The following AKAP10 variants were observed in gnomAD, a reference collection of about 807,000 sequenced individuals.
AKAP10 encodes A-kinase anchoring protein 10.
In AKAP10, 24 loss-of-function variants were observed where a neutral mutation model predicts 80.8. The ratio of observed to expected loss-of-function variants is 0.30; its 90% CI spans 0.22 to 0.42. AKAP10 has a LOEUF of 0.42. Among genes scored for constraint, AKAP10 ranks in the 10% least tolerant of loss-of-function variants. The pLI is 1.00. For missense variants in AKAP10, 661 were observed against 794.9 expected (o/e 0.83, Z 2.03); for synonymous variants, 291 against 277.7 (o/e 1.05, Z -0.48).
intron 5 of AKAP10, among the ~76,000 whole-genome samples, chr17:19,946,239 ATATAT>A (rs2043114900): frequency 3.9e-4 from 3 of 7,744 alleles, no homozygotes; most frequent in African/African-American, 1.2e-3. Context: ...TATATATATT[ATATAT>A]ATATATATAT....
chr17:19,970,438 T>C (rs1216144469), intron 1 of AKAP10, among the ~76,000 whole-genome samples: 3 of 152,244 alleles, frequency 2.0e-5, no homozygotes, highest in Non-Finnish European at 4.4e-5. Flanking sequence ...CTTTATTTCC[T>C]TCTGTCCCCC....
chr17:19,943,126 C>T (rs746513626), intron 5 of AKAP10, among the ~76,000 whole-genome samples: 6 of 152,094 alleles, frequency 3.9e-5, no homozygotes, highest in Admixed American at 1.3e-4. Context: ...TGGCCTGAAA[C>T]GATCCTCCTG....
At chr17:19,968,826 G>A (rs1207213604) in intron 1 of AKAP10, among the ~76,000 whole-genome samples, 1 of 152,052 alleles carries the variant, frequency 6.6e-6, no homozygotes, top group Non-Finnish European at 1.5e-5. Flanking sequence ...TACCTTAGAG[G>A]ATTATTGATG....
At position 19,933,181 on chromosome 17, in the gene AKAP10, G is replaced by A. The variant is rs370072760; in HGVS notation, c.1468-1203C>T. Among the ~76,000 whole-genome samples the A allele has an allele frequency of 2.7e-3, 410 of 152,168 alleles. 1 individual carries two copies. Among genetic ancestry groups the A allele is most frequent in the African/African-American group, 8.7e-3 (360 of 41,528 alleles). ...TTACAGGTGTCCGCCACCACACCCAGTTAATTTTTGTATTTTTAGTAGAGA... is the reference window on the plus strand; with the variant it reads ...TTACAGGTGTCCGCCACCACACCCAATTAATTTTTGTATTTTTAGTAGAGA... On this transcript the variant is annotated intron_variant, in intron 9 of 14. Transcript: ENST00000225737.
At position 19,977,572 on chromosome 17, in the gene AKAP10, G is replaced by T; in HGVS notation, c.88+20C>A. Reference sequence around the variant, plus strand: ...CCCCTGAGGCCCGGCCTGACTCCCCGCCGGCGCCCCCTCAGCTACCTTTCC... The same window carrying T: ...CCCCTGAGGCCCGGCCTGACTCCCCTCCGGCGCCCCCTCAGCTACCTTTCC... On this transcript the variant is annotated intron_variant, in intron 1 of 14. Transcript: ENST00000225737. 1 of 1,232,800 alleles carries T rather than the reference G, an allele frequency of 8.1e-7. No homozygotes were observed. 76.4% of individuals were successfully genotyped at this position (1,232,800 alleles called of 1,614,324 possible). A position where few individuals can be genotyped will look rare whatever the true frequency, so the allele number is the denominator to read the frequency against.
chr17:19,940,038 C>A (rs746042276), intron 7 of AKAP10, among the ~76,000 whole-genome samples, 189 bp from the exon 8 acceptor site: 2 of 151,800 alleles, frequency 1.3e-5, no homozygotes, highest in Non-Finnish European at 2.9e-5. Flanking sequence ...TTCTTTTAGA[C>A]GAAAAAAAAG....
At chr17:19,925,342 T>C (rs1163336919) in intron 10 of AKAP10, among the ~76,000 whole-genome samples, 2 of 152,052 alleles carry the variant, frequency 1.3e-5, no homozygotes, top group Non-Finnish European at 2.9e-5. Flanking sequence ...ACAGGGTAAA[T>C]AGGAATGTTT....
chr17:19,952,107 A>T (rs1362278210), intron 4 of AKAP10, among the ~76,000 whole-genome samples: 2 of 151,100 alleles, frequency 1.3e-5, no homozygotes, highest in East Asian at 1.9e-4. Context: ...AATTATACTA[A>T]AATTTATATT....
chr17:19,938,722 T>C (rs904840784), intron 8 of AKAP10, among the ~76,000 whole-genome samples: 2 of 151,780 alleles, frequency 1.3e-5, no homozygotes, highest in Non-Finnish European at 2.9e-5. Context: ...AAATAACAAA[T>C]TACCTTTGTT....
chr17:19,908,233 A>AAC, intron 14 of AKAP10, among the ~76,000 whole-genome samples: 1 of 152,282 alleles, frequency 6.6e-6, no homozygotes, highest in South Asian at 2.1e-4. Context: ...AAAGAGGGTT[A>AAC]GGCCTTTGTT....
At chr17:19,946,656 AC>A (rs2043135738) in intron 5 of AKAP10, among the ~76,000 whole-genome samples, 1 of 136,978 alleles carries the variant, frequency 7.3e-6, no homozygotes, top group African/African-American at 2.7e-5. Context: ...TATAAGAAAA[AC>A]TTTTTTTTTT....
In AKAP10 at chr17:19,904,442, T is replaced by C. The variant is rs1287592324; in HGVS notation, c.*1785A>G. 5 of 152,342 alleles carry C rather than the reference T, an allele frequency of 3.3e-5. No homozygotes were observed. Among genetic ancestry groups the C allele is most frequent in the Admixed American group, 3.3e-4 (5 of 15,296 alleles). The allele number at this position is 152,342 out of a possible 1,614,324, so 9.4% of individuals were successfully genotyped here. A position where few individuals can be genotyped will look rare whatever the true frequency, so the allele number is the denominator to read the frequency against. On this transcript the variant is annotated 3_prime_UTR_variant, in exon 15 of 15. Coordinates refer to ENST00000225737, the MANE Select transcript of AKAP10 (RefSeq NM_007202.4). ...TAAACAGCCTAGAGTCTTGTAGAAATTGTTATTCCAAAACATGCAGAGGCA... is the reference window on the plus strand; with the variant it reads ...TAAACAGCCTAGAGTCTTGTAGAAACTGTTATTCCAAAACATGCAGAGGCA...
chr17:19,975,234 G>A (rs2043550201), intron 1 of AKAP10, among the ~76,000 whole-genome samples: 1 of 152,086 alleles, frequency 6.6e-6, no homozygotes, highest in Non-Finnish European at 1.5e-5. Context: ...GCTCAGGCTG[G>A]TCTTGAACTC....
chr17:19,974,745 A>C (rs2043544544), intron 1 of AKAP10, among the ~76,000 whole-genome samples: 2 of 151,274 alleles, frequency 1.3e-5, no homozygotes, highest in South Asian at 4.2e-4. Context: ...ACTGTGTTGC[A>C]GTGGTGGGAT....
At chr17:19,906,640 C>G (rs203466) in intron 14 of AKAP10, among the ~76,000 whole-genome samples, 64,424 of 152,026 alleles carry the variant, frequency 0.42, 14,395 homozygotes, top group African/African-American at 0.57. Context: ...CACAGCACTG[C>G]GGACAAATAT....
At chr17:19,923,810 G>C (rs916958935) in intron 11 of AKAP10, among the ~76,000 whole-genome samples, 1 of 152,188 alleles carries the variant, frequency 6.6e-6, no homozygotes, top group Non-Finnish European at 1.5e-5. Flanking sequence ...ACAGGTGTGA[G>C]CCACTGCGCC....
chr17:19,959,615 T>A (rs549191124), intron 3 of AKAP10, among the ~76,000 whole-genome samples: 1 of 152,330 alleles, frequency 6.6e-6, no homozygotes, highest in African/African-American at 2.4e-5. Flanking sequence ...ATCTTATATT[T>A]AACTAAATTT....
chr17:19,962,594 CAT>C (rs765701057), intron 3 of AKAP10, among the ~76,000 whole-genome samples: 1 of 152,048 alleles, frequency 6.6e-6, no homozygotes, highest in Non-Finnish European at 1.5e-5. Context: ...ACATCTTTTT[CAT>C]ATATTTATAT....
intron 9 of AKAP10, among the ~76,000 whole-genome samples, chr17:19,932,841 T>C (rs1275761756): frequency 2.6e-4 from 40 of 152,116 alleles, no homozygotes; most frequent in Non-Finnish European, 2.9e-5. Flanking sequence ...TGTACATAGA[T>C]GTTTTTATTT....
Sources: allele counts gnomAD v4.1 joint callset (sites outside exome capture counted in the v4.1 genomes callset), GRCh38; gene constraint gnomAD v4.1.1; transcripts MANE v1.5; gene names NCBI Gene and HGNC (gene_info 2026-07-23, HGNC 2026-07-21).